Variants in ACADL observed in about 807,000 individuals in gnomAD.
ACADL encodes long-chain specific acyl-CoA dehydrogenase, mitochondrial.
A neutral mutation model predicts 56.9 loss-of-function variants in ACADL; 60 were observed. That is an observed-to-expected ratio of 1.05 (90% CI 0.86 to 1.31). The LOEUF is 1.31. ACADL is among the 50% of genes most tolerant of loss of function. ACADL has a pLI of 0.00. For missense variants in ACADL, 484 were observed against 525.5 expected (o/e 0.92, Z 0.77); for synonymous variants, 158 against 179.7 (o/e 0.88, Z 0.97).
intron 4 of ACADL, among the ~76,000 whole-genome samples, chr2:210,215,046 C>T (rs1209851554): frequency 6.6e-6 from 1 of 152,058 alleles, no homozygotes; most frequent in African/African-American, 2.4e-5. Context: ...AAAAGGAGGG[C>T]CTGACCTCCG....
intron 5 of ACADL, among the ~76,000 whole-genome samples, chr2:210,208,219 T>C (rs1196964176): frequency 1.3e-5 from 2 of 152,278 alleles, no homozygotes; most frequent in East Asian, 3.9e-4. Context: ...AAATAAACAA[T>C]GGAATAGAAA....
rs1689087851 is a variant in ACADL, at chr2:210,216,445, T to C, written c.438A>G (p.Thr146=). Residue 146 remains threonine (T), a synonymous_variant, in exon 4 of 11, where the codon ACA becomes ACG. Transcript: ENST00000233710. ...IHSGIVMSYI[T]NHGSEEQIKH... ...TAATCTGTTCTTCTGAGCCATGGTT[T>C]GTAATATAGGACATGACAATACCTG... is the stretch of plus-strand genomic sequence containing the variant. 6.2e-7 allele frequency: 1 copy of C among 1,613,936 alleles called. No individual in the cohort carries two copies. The highest frequency in any genetic ancestry group is 2.2e-5 in the East Asian group (1 of 44,868).
intron 1 of ACADL, among the ~76,000 whole-genome samples, chr2:210,221,371 C>A (rs1214904030): frequency 2.0e-5 from 3 of 152,084 alleles, no homozygotes; most frequent in Non-Finnish European, 4.4e-5. Flanking sequence ...TATTTAAGAC[C>A]TACTCCCATC....
rs192532753 is a variant in ACADL, at chr2:210,221,648, G to T, written c.78-846C>A. Among the ~76,000 whole-genome samples, 338 of 151,688 alleles carry T rather than the reference G, an allele frequency of 2.2e-3. 4 individuals carry two copies. Among genetic ancestry groups the T allele is most frequent in the African/African-American group, 7.8e-3 (321 of 41,382 alleles). ...TCTTTTCTAGTCCTTATCCAGAAAA[G>T]ATCTATTTCATGTAATTAATCAAAG... On this transcript the variant is annotated intron_variant, in intron 1 of 10. Transcript: ENST00000233710.
At chr2:210,200,301 A>G (rs907761909) in intron 8 of ACADL, among the ~76,000 whole-genome samples, 3 of 152,190 alleles carry the variant, frequency 2.0e-5, no homozygotes, top group African/African-American at 7.2e-5. Flanking sequence ...AAAATCATAT[A>G]TGTCAGTTTT....
At chr2:210,224,942 A>T (rs1007785324) in intron 1 of ACADL, 6 of 1,340,540 alleles carry the variant, frequency 4.5e-6, no homozygotes, top group Non-Finnish European at 5.7e-6. Context: ...GCTTTCCCCG[A>T]CGTGGGCTCG....
At chr2:210,202,249 T>C (rs1575674322) in intron 8 of ACADL, among the ~76,000 whole-genome samples, 1 of 151,914 alleles carries the variant, frequency 6.6e-6, no homozygotes, top group African/African-American at 2.4e-5. Context: ...TGCACCACCA[T>C]GCCTGGCTAA....
At chr2:210,212,524 C>A (rs948073049) in intron 4 of ACADL, among the ~76,000 whole-genome samples, 11 of 152,056 alleles carry the variant, frequency 7.2e-5, no homozygotes, top group African/African-American at 2.7e-4. Flanking sequence ...TTGGGCCCAA[C>A]AATACTGATT....
At position 210,188,047 on chromosome 2, in the gene ACADL, T is replaced by G. The variant is rs1688574593; in HGVS notation, c.*914A>C. 6.6e-6 allele frequency: 1 copy of G among 152,234 alleles called. No homozygotes were observed. The highest frequency in any genetic ancestry group is 2.4e-5 in the African/African-American group (1 of 41,454). 9.4% of individuals were successfully genotyped at this position (152,234 alleles called of 1,614,324 possible). ...CATTGCACTTATGCTTGAAATTATCTCTTTTACATATTTACTTCTTACCTT... is the reference window on the plus strand; with the variant it reads ...CATTGCACTTATGCTTGAAATTATCGCTTTTACATATTTACTTCTTACCTT... On this transcript the variant is annotated 3_prime_UTR_variant, in exon 11 of 11. Coordinates refer to ENST00000233710, the MANE Select transcript of ACADL (RefSeq NM_001608.4).
rs548005385 is a variant in ACADL, at chr2:210,220,552, T to C, written c.233+95A>G. The C allele has an allele frequency of 3.0e-4, 341 of 1,143,034 alleles. 1 individual carries two copies. The highest frequency in any genetic ancestry group is 4.1e-4 in the Admixed American group (24 of 58,504). 70.8% of individuals were successfully genotyped at this position (1,143,034 alleles called of 1,614,324 possible). A position where few individuals can be genotyped will look rare whatever the true frequency, so the allele number is the denominator to read the frequency against. On this transcript the variant is annotated intron_variant, in intron 2 of 10. Transcript: ENST00000233710. ...AAAAATGTTAATAAAGCCCTGAACA[T>C]ACTATGTTTTCTGTATAGCAATATA...
At chr2:210,199,794 G>C (rs1354986834) in intron 8 of ACADL, among the ~76,000 whole-genome samples, 2 of 152,108 alleles carry the variant, frequency 1.3e-5, no homozygotes, top group African/African-American at 4.8e-5. Context: ...ACTCAGGCTA[G>C]AGTACAATAG....
intron 4 of ACADL, among the ~76,000 whole-genome samples, chr2:210,213,207 A>G (rs929313191): frequency 6.6e-6 from 1 of 152,214 alleles, no homozygotes; most frequent in African/African-American, 2.4e-5. Context: ...TTATTAAAAC[A>G]ATTCTTCTAT....
intron 2 of ACADL, 25 bp from the exon 3 acceptor site, chr2:210,218,127 T>A: frequency 2.5e-6 from 4 of 1,589,514 alleles, no homozygotes; most frequent in Non-Finnish European, 3.4e-6. Flanking sequence ...TATTTTAAAT[T>A]CAGATAATTT....
intron 9 of ACADL, among the ~76,000 whole-genome samples, chr2:210,193,158 A>G (rs1468464691): frequency 6.6e-6 from 1 of 152,162 alleles, no homozygotes; most frequent in Non-Finnish European, 1.5e-5. Flanking sequence ...AACTCAGATG[A>G]TTAGATTTTG....
chr2:210,206,659 A>G (rs895624938), intron 5 of ACADL, among the ~76,000 whole-genome samples: 4 of 152,170 alleles, frequency 2.6e-5, no homozygotes, highest in African/African-American at 7.2e-5. Flanking sequence ...GATACAGAAA[A>G]CAGTATACTC....
At chr2:210,218,976 G>C (rs916206891) in intron 2 of ACADL, among the ~76,000 whole-genome samples, 3 of 152,160 alleles carry the variant, frequency 2.0e-5, no homozygotes, top group African/African-American at 7.2e-5. Flanking sequence ...GAGAATGGCA[G>C]AATGAGGAAA....
chr2:210,202,789 C>T (rs1227359910), intron 8 of ACADL, among the ~76,000 whole-genome samples: 1 of 152,154 alleles, frequency 6.6e-6, no homozygotes, highest in Non-Finnish European at 1.5e-5. Context: ...TCTCAACTAC[C>T]ATTCACAGCC....
At chr2:210,210,531 G>A (rs911182257) in intron 4 of ACADL, among the ~76,000 whole-genome samples, 14 of 152,168 alleles carry the variant, frequency 9.2e-5, no homozygotes, top group East Asian at 1.9e-4. Flanking sequence ...ACTAACATTC[G>A]AGACCCCAGT....
intron 2 of ACADL, among the ~76,000 whole-genome samples, chr2:210,219,698 AT>A (rs550114823): frequency 9.9e-5 from 15 of 152,090 alleles, no homozygotes; most frequent in Non-Finnish European, 1.9e-4. Context: ...TCAACTTACA[AT>A]TTTTTTACTT....
Sources: allele counts gnomAD v4.1 joint callset (sites outside exome capture counted in the v4.1 genomes callset), GRCh38; gene constraint gnomAD v4.1.1; transcripts MANE v1.5; gene names NCBI Gene and HGNC (gene_info 2026-07-23, HGNC 2026-07-21).